MAP3K5: variants seen among roughly 807,000 people sequenced by gnomAD.
The protein encoded by MAP3K5 is mitogen-activated protein kinase kinase kinase 5.
MAP3K5 carries 56 observed loss-of-function variants against 158.7 expected under a neutral mutation model. That is an observed-to-expected ratio of 0.35 (90% confidence interval 0.28 to 0.44). The LOEUF is 0.44. Among genes scored for constraint, MAP3K5 ranks in the 20% least tolerant of loss-of-function variants. The pLI is 1.00. For synonymous variants in MAP3K5, 579 were observed against 601.7 expected (o/e 0.96, Z 0.55); for missense variants, 1,294 against 1,674.8 (o/e 0.77, Z 3.97).
chr6:136,558,409 C>T (rs891567747), intron 29 of MAP3K5, among the ~76,000 whole-genome samples: 5 of 151,908 alleles, frequency 3.3e-5, no homozygotes, highest in Admixed American at 2.0e-4. Context: ...TATGCTTGGC[C>T]TTAATTAACA....
intron 8 of MAP3K5, among the ~76,000 whole-genome samples, chr6:136,666,006 A>G (rs1779216441): frequency 6.6e-6 from 1 of 152,240 alleles, no homozygotes. Context: ...CACCCATAAA[A>G]TGTCTCACAA....
chr6:136,649,171 T>C (rs1778409195), intron 11 of MAP3K5, among the ~76,000 whole-genome samples: 1 of 152,138 alleles, frequency 6.6e-6, no homozygotes, highest in Non-Finnish European at 1.5e-5. Context: ...GGTTTCACCA[T>C]GTTGGCCAGG....
At chr6:136,777,873 C>CA (rs1784460616) in intron 1 of MAP3K5, among the ~76,000 whole-genome samples, 1 of 152,132 alleles carries the variant, frequency 6.6e-6, no homozygotes, top group Non-Finnish European at 1.5e-5. Context: ...ACACACTCCA[C>CA]ATCATCAACA....
At chr6:136,760,422 T>C (rs1186094267) in intron 1 of MAP3K5, among the ~76,000 whole-genome samples, 4 of 152,238 alleles carry the variant, frequency 2.6e-5, no homozygotes, top group Non-Finnish European at 4.4e-5. Flanking sequence ...ATTTTCTAAA[T>C]AAAGCTCTTA....
intron 18 of MAP3K5, among the ~76,000 whole-genome samples, chr6:136,610,277 T>C (rs1198814722): frequency 5.3e-5 from 8 of 152,120 alleles, no homozygotes; most frequent in South Asian, 4.1e-4. Flanking sequence ...TGGGCAGTCA[T>C]GAATCTCTTG....
chr6:136,650,760 T>C (rs1174924921), intron 11 of MAP3K5, among the ~76,000 whole-genome samples: 1 of 152,258 alleles, frequency 6.6e-6, no homozygotes, highest in Non-Finnish European at 1.5e-5. Flanking sequence ...ATGCCATCTA[T>C]AATAAAAATC....
chr6:136,571,361 C>T (rs1774355755), intron 25 of MAP3K5, among the ~76,000 whole-genome samples: 1 of 152,210 alleles, frequency 6.6e-6, no homozygotes, highest in Non-Finnish European at 1.5e-5. Context: ...GCTCGCCAAG[C>T]TGTCAGCGGC....
intron 28 of MAP3K5, among the ~76,000 whole-genome samples, chr6:136,559,382 AC>A (rs879610202): frequency 0.1 from 13,120 of 125,578 alleles, 1,243 homozygotes; most frequent in East Asian, 0.26. Context: ...AAAAACAAAA[AC>A]AAAAACAAGA....
At chr6:136,690,574 C>A (rs370010912) in intron 7 of MAP3K5, among the ~76,000 whole-genome samples, 8 of 152,124 alleles carry the variant, frequency 5.3e-5, no homozygotes, top group East Asian at 3.9e-4. Flanking sequence ...TAAAAATAAT[C>A]TTTTTATAAG....
chr6:136,745,627 A>C (rs530267915), intron 1 of MAP3K5, among the ~76,000 whole-genome samples: 139 of 152,190 alleles, frequency 9.1e-4, no homozygotes, highest in African/African-American at 3.1e-3. Flanking sequence ...TGGACTCTAA[A>C]AATAAAATTC....
chr6:136,706,587 C>T (rs919632813), intron 2 of MAP3K5, among the ~76,000 whole-genome samples: 1 of 152,088 alleles, frequency 6.6e-6, no homozygotes, highest in African/African-American at 2.4e-5. Context: ...ATTTGTGGAG[C>T]CTCAAGGGCG....
At chr6:136,614,076 G>A in intron 16 of MAP3K5, 83 bp downstream of exon 16, 1 of 1,479,644 alleles carries the variant, frequency 6.8e-7, no homozygotes, top group South Asian at 1.3e-5. Context: ...ATTAAGACCT[G>A]TACGCTAGTA....
At chr6:136,686,185 A>C (rs1780138411) in intron 7 of MAP3K5, among the ~76,000 whole-genome samples, 1 of 152,182 alleles carries the variant, frequency 6.6e-6, no homozygotes, top group African/African-American at 2.4e-5. Flanking sequence ...TAAATAAATC[A>C]GTAAGTGTCA....
At chr6:136,775,236 G>A (rs1233959484) in intron 1 of MAP3K5, among the ~76,000 whole-genome samples, 2 of 152,204 alleles carry the variant, frequency 1.3e-5, no homozygotes, top group Non-Finnish European at 2.9e-5. Flanking sequence ...TAGGCAATGT[G>A]CTGGATTCAG....
chr6:136,613,261 A>G lies in MAP3K5; in HGVS notation c.2279-5T>C, dbSNP rs779876497. ...GAAGGAGAGCAGAAAGACTTCCTGT[A>G]AAGTAGGGATAAATAGTAAATAAAT... On this transcript the variant is annotated splice_region_variant and splice_polypyrimidine_tract_variant and intron_variant, in intron 16 of 29. Coordinates refer to ENST00000359015, the MANE Select transcript of MAP3K5 (RefSeq NM_005923.4). This position sits in a 1 kb window ranked among gnomAD's most constrained non-coding sequence, Gnocchi z 4.0. 7 of 1,610,786 alleles carry G rather than the reference A, an allele frequency of 4.3e-6. No homozygotes were observed. The highest frequency in any genetic ancestry group is 4.5e-5 in the East Asian group (2 of 44,808).
At chr6:136,719,804 G>A (rs1781675537) in intron 2 of MAP3K5, among the ~76,000 whole-genome samples, 1 of 152,178 alleles carries the variant, frequency 6.6e-6, no homozygotes, top group Non-Finnish European at 1.5e-5. Flanking sequence ...GCGATTCACT[G>A]AACTGTGGGA....
intron 1 of MAP3K5, among the ~76,000 whole-genome samples, chr6:136,741,266 G>T (rs569927421): frequency 5.1e-4 from 77 of 152,080 alleles, no homozygotes; most frequent in African/African-American, 1.3e-3. Context: ...AACCATTTTG[G>T]TATTTCACTC....
intron 19 of MAP3K5, among the ~76,000 whole-genome samples, chr6:136,603,998 G>A (rs914807000): frequency 2.6e-4 from 40 of 152,168 alleles, no homozygotes; most frequent in African/African-American, 9.4e-4. Flanking sequence ...AACATGGTCT[G>A]CAGCAGGGAG....
chr6:136,733,160 A>G (rs1426909522), intron 1 of MAP3K5, among the ~76,000 whole-genome samples: 3 of 152,162 alleles, frequency 2.0e-5, no homozygotes, highest in African/African-American at 7.2e-5. Context: ...CACTATGCCC[A>G]GCTAATTCTA....
Sources: allele counts gnomAD v4.1 joint callset (sites outside exome capture counted in the v4.1 genomes callset), GRCh38; gene constraint gnomAD v4.1.1; non-coding constraint Gnocchi (gnomAD v3.1); transcripts MANE v1.5; gene names NCBI Gene and HGNC (gene_info 2026-07-23, HGNC 2026-07-21).